RAI2: variants seen among roughly 807,000 people sequenced by gnomAD.
RAI2 encodes the protein retinoic acid-induced protein 2.
A neutral mutation model predicts 15.3 loss-of-function variants in RAI2; 5 were observed. That is an observed-to-expected ratio of 0.33 (90% CI 0.17 to 0.69). The LOEUF is 0.69. RAI2 is among the 30% of genes least tolerant of loss of function. RAI2 has a pLI of 0.69. For missense variants in RAI2, 424 were observed against 424.7 expected, an observed-to-expected ratio of 1.00 and a Z score of 0.01; for synonymous variants, 191 against 184.0, an observed-to-expected ratio of 1.04 and a Z score of -0.31.
At chrX:17,846,224 T>C (rs1014632594) in intron 1 of RAI2, among the ~76,000 whole-genome samples, 4 of 112,303 alleles carry the variant, frequency 3.6e-5, no homozygotes, top group African/African-American at 1.3e-4. Flanking sequence ...CAGCCATCCA[T>C]GTTGCAACAT....
chrX:17,820,289 T>C (rs138488943), intron 1 of RAI2, among the ~76,000 whole-genome samples: 1 of 112,313 alleles, frequency 8.9e-6, no homozygotes, highest in Non-Finnish European at 1.9e-5. Flanking sequence ...GAAATGCCAA[T>C]GTTTTTGTAT....
chrX:17,853,012 T>G (rs1337017758), intron 1 of RAI2, among the ~76,000 whole-genome samples: 1 of 107,382 alleles, frequency 9.3e-6, no homozygotes, highest in African/African-American at 3.4e-5. Context: ...ATCAATTGGC[T>G]CGGGCTTAAG....
chrX:17,812,952 A>T (rs1390151067), intron 1 of RAI2, among the ~76,000 whole-genome samples: 2 of 112,022 alleles, frequency 1.8e-5, no homozygotes, highest in Non-Finnish European at 3.8e-5. Flanking sequence ...TTAGCTGGCC[A>T]CAAGGGGATG....
chrX:17,846,732 C>A (rs2067463289), intron 1 of RAI2, among the ~76,000 whole-genome samples: 1 of 111,761 alleles, frequency 8.9e-6, no homozygotes, highest in Admixed American at 9.5e-5. Flanking sequence ...TCTCTCCCTT[C>A]TTCTGAGTTT....
rs1425090322 is a variant in RAI2 at position 17,801,439 on chromosome X, A to G, written c.572T>C (p.Leu191Ser). Residue 191 changes from leucine to serine, a missense_variant, in exon 2 of 2, where the codon TTG becomes TCG. Coordinates refer to ENST00000451717, the MANE Select transcript of RAI2 (RefSeq NM_021785.6). ...CCCGAGAGTGCCCTGGGAGGGAAAC[A>G]AATTCTGGAGCACAGCTTCAAATGG... ...TLPFEAVLQN[L>S]FPSQGTLGPP... is the part of the protein sequence containing the mutation. 1 of 1,158,310 alleles carries G rather than the reference A, an allele frequency of 8.6e-7. No individual in the cohort carries two copies. Among genetic ancestry groups the G allele is most frequent in the Non-Finnish European group, 1.1e-6 (1 of 870,116 alleles).
chrX:17,803,265 C>T (rs1180126472), intron 1 of RAI2, among the ~76,000 whole-genome samples: 3 of 111,472 alleles, frequency 2.7e-5, no homozygotes, highest in Non-Finnish European at 3.8e-5. Context: ...GTGGCTCATG[C>T]CTGTAATCTC....
intron 1 of RAI2, 115 bp downstream of exon 1, chrX:17,860,983 G>A (rs1265251444): frequency 9.5e-6 from 1 of 105,077 alleles, no homozygotes; most frequent in African/African-American, 3.4e-5. Flanking sequence ...CCCTCCCCGG[G>A]CGCCGGGCCC....
At chrX:17,851,249 T>C (rs1342334418) in intron 1 of RAI2, among the ~76,000 whole-genome samples, 1 of 112,553 alleles carries the variant, frequency 8.9e-6, no homozygotes, top group Admixed American at 9.4e-5. Context: ...TGGCCCCATA[T>C]TGATATTTTC....
chrX:17,806,692 C>T (rs999470399), intron 1 of RAI2, among the ~76,000 whole-genome samples: 1 of 111,410 alleles, frequency 9.0e-6, no homozygotes, highest in Admixed American at 9.5e-5. Flanking sequence ...TGTTCTCACA[C>T]TCCTATAAAG....
intron 1 of RAI2, among the ~76,000 whole-genome samples, chrX:17,806,604 C>T (rs1279254417): frequency 9.0e-6 from 1 of 111,116 alleles, no homozygotes; most frequent in Non-Finnish European, 1.9e-5. Context: ...GGAAAAGACT[C>T]AGGGCCCAGG....
chrX:17,855,378 C>T (rs985088813), intron 1 of RAI2, among the ~76,000 whole-genome samples: 3 of 111,726 alleles, frequency 2.7e-5, no homozygotes, highest in Non-Finnish European at 3.8e-5. Flanking sequence ...CTCCGATGGA[C>T]AAGGACACCG....
chrX:17,801,984 G>C lies in RAI2; in HGVS notation c.27C>G (p.Leu9=). 8.3e-7 allele frequency: 1 copy of C among 1,203,426 alleles called. No individual in the cohort carries two copies. The highest frequency in any genetic ancestry group is 1.1e-6 in the Non-Finnish European group (1 of 889,546). Residue 9 remains leucine (L), a synonymous_variant, in exon 2 of 2, where the codon CTC becomes CTG. Coordinates refer to ENST00000451717, the MANE Select transcript of RAI2 (RefSeq NM_021785.6). MDDLQSQN[L]SMDMTDSPPA... is the part of the protein sequence containing the mutation. The stretch of plus-strand genomic sequence containing the variant: ...GAGGGGAGTCAGTCATGTCCATGGA[G>C]AGGTTCTGGGACTGCAGGTCGTCCA...
chrX:17,850,366 G>A (rs1446685914), intron 1 of RAI2, among the ~76,000 whole-genome samples: 1 of 112,358 alleles, frequency 8.9e-6, no homozygotes, highest in African/African-American at 3.2e-5. Flanking sequence ...GCTGAGGAGA[G>A]GGTGAAGGGG....
chrX:17,851,560 T>A (rs990087265), intron 1 of RAI2, among the ~76,000 whole-genome samples: 1 of 112,255 alleles, frequency 8.9e-6, no homozygotes, highest in South Asian at 3.8e-4. Context: ...TAAAATGCAA[T>A]AGGAAATTCA....
intron 1 of RAI2, among the ~76,000 whole-genome samples, chrX:17,836,567 C>A (rs1443165304): frequency 8.9e-6 from 1 of 111,902 alleles, no homozygotes; most frequent in East Asian, 2.8e-4. Context: ...GAAAAAAATT[C>A]TAAGTTGAAC....
rs749348913 is a variant in RAI2 at position 17,801,904 on chromosome X, T to G, written c.107A>C (p.Glu36Ala). 1 of 1,210,932 alleles carries G rather than the reference T, an allele frequency of 8.3e-7. No individual in the cohort carries two copies. The highest frequency in any genetic ancestry group is 1.1e-6 in the Non-Finnish European group (1 of 895,276). ...GTCAGTGGAGTTGATGTTCCAGGCC[T>G]CGGTGGTGATCAGCTGAGCCATGCC... ...ENGMAQLITT[E>A]AWNINSTDLV... Residue 36 changes from glutamate to alanine, a missense_variant, in exon 2 of 2, where the codon GAG (glutamate) becomes GCG (alanine). Glu to Ala is a moderately radical substitution (Grantham distance 107). Coordinates refer to ENST00000451717, the MANE Select transcript of RAI2 (RefSeq NM_021785.6).
rs139725959 is a variant in RAI2 at position 17,800,602 on chromosome X, C to G, written c.1409G>C (p.Arg470Thr). Residue 470 changes from arginine (R) to threonine (T), a missense_variant, in exon 2 of 2, where the codon AGA becomes ACA. Physicochemically the swap from Arg to Thr is moderately conservative, Grantham distance 71 (BLOSUM62 -1). Transcript: ENST00000451717. ...GVSTKNFSFK[R>T]EDSVLQGYDI... ...ATAGCCCTGAAGCACGGAGTCTTCT[C>G]TTTTGAAGGAGAAGTTTTTGGTGGA... 153 of 1,209,875 alleles carry G rather than the reference C, an allele frequency of 1.3e-4. 2 individuals carry two copies. The highest frequency in any genetic ancestry group is 8.2e-4 in the African/African-American group (47 of 57,135).
chrX:17,858,624 A>G (rs767908105), intron 1 of RAI2, among the ~76,000 whole-genome samples: 2 of 111,896 alleles, frequency 1.8e-5, no homozygotes, highest in Admixed American at 9.4e-5. Flanking sequence ...CACACCTTCC[A>G]GTCTTTGATT....
intron 1 of RAI2, among the ~76,000 whole-genome samples, chrX:17,819,088 C>T (rs748515343): frequency 2.7e-5 from 3 of 111,994 alleles, no homozygotes; most frequent in South Asian, 3.8e-4. Flanking sequence ...TCTAGGGCTT[C>T]GGCCTTGAGC....
Sources: gnomAD v4.1 joint callset for allele counts (sites outside exome capture counted in the v4.1 genomes callset) on GRCh38, gnomAD v4.1.1 for gene constraint, MANE v1.5 for transcripts, NCBI Gene and HGNC (gene_info 2026-07-23, HGNC 2026-07-21) for gene names.